The following BRF1 variants were observed in gnomAD, a reference collection of about 807,000 sequenced individuals.
BRF1 encodes transcription factor IIIB 90 kDa subunit.
A neutral mutation model predicts 81.7 loss-of-function variants in BRF1; 59 were observed. That is an observed-to-expected ratio of 0.72 (90% confidence interval 0.59 to 0.90). BRF1 has a LOEUF of 0.90. Among genes scored for constraint, BRF1 ranks in the 40% least tolerant of loss-of-function variants. BRF1 has a pLI of 0.00. For synonymous variants in BRF1, 491 were observed against 395.6 expected, an observed-to-expected ratio of 1.24 and a Z score of -2.86; for missense variants, 1,050 against 936.3, an observed-to-expected ratio of 1.12 and a Z score of -1.58.
intron 3 of BRF1, among the ~76,000 whole-genome samples, chr14:105,267,582 G>C (rs1338335405): frequency 6.6e-6 from 1 of 152,184 alleles, no homozygotes; most frequent in Non-Finnish European, 1.5e-5. Context: ...AAAGTGATGG[G>C]ATTTACAGGC....
At chr14:105,294,154 C>G (rs587639341) in intron 1 of BRF1, among the ~76,000 whole-genome samples, 2 of 152,294 alleles carry the variant, frequency 1.3e-5, no homozygotes, top group South Asian at 4.1e-4. Flanking sequence ...GATCCCCTCT[C>G]TCCTCCCCAC....
chr14:105,298,714 G>C (rs934556835), intron 1 of BRF1, among the ~76,000 whole-genome samples: 2 of 152,174 alleles, frequency 1.3e-5, no homozygotes, highest in Non-Finnish European at 2.9e-5. Flanking sequence ...AATTAGCCAA[G>C]TGAGGTGGCG....
At chr14:105,245,809 T>C (rs2055053746) in intron 5 of BRF1, among the ~76,000 whole-genome samples, 1 of 152,186 alleles carries the variant, frequency 6.6e-6, no homozygotes. Context: ...GACTTGAAAC[T>C]GTAAAACCCT....
chr14:105,280,709 A>C (rs1239223317), intron 2 of BRF1, among the ~76,000 whole-genome samples: 1 of 149,928 alleles, frequency 6.7e-6, no homozygotes, highest in East Asian at 2.0e-4. Flanking sequence ...CGTGATCCTG[A>C]GTCCGGGTGT....
At chr14:105,225,888 C>T (rs587596876) in intron 10 of BRF1, among the ~76,000 whole-genome samples, 181 bp downstream of exon 10, 12 of 152,282 alleles carry the variant, frequency 7.9e-5, no homozygotes, top group South Asian at 4.1e-4. Context: ...CCTCGTGATC[C>T]GCCTGCCTCA....
intron 12 of BRF1, 126 bp downstream of exon 12, chr14:105,219,943 C>CA: frequency 2.0e-6 from 2 of 1,002,706 alleles, no homozygotes; most frequent in Non-Finnish European, 3.0e-6. Flanking sequence ...GCCAGGAGCC[C>CA]ACTTCACCCA....
chr14:105,298,724 G>A (rs914581134), intron 1 of BRF1, among the ~76,000 whole-genome samples: 11 of 152,002 alleles, frequency 7.2e-5, no homozygotes, highest in African/African-American at 2.2e-4. Context: ...GTGAGGTGGC[G>A]CACGCCTGTA....
intron 2 of BRF1, among the ~76,000 whole-genome samples, chr14:105,283,150 G>A (rs1250774435): frequency 3.9e-5 from 6 of 152,196 alleles, no homozygotes; most frequent in Non-Finnish European, 8.8e-5. Flanking sequence ...AGCCAAGGCA[G>A]AGGAGGACAT....
chr14:105,314,782 C>T (rs2058490347), intron 1 of BRF1: 3 of 197,942 alleles, frequency 1.5e-5, no homozygotes, highest in Admixed American at 1.4e-4. Context: ...TGTCCGACGC[C>T]GGGGCCCGGC....
rs966067038 is a variant in BRF1 at position 105,309,915 on chromosome 14, A to G, written c.-162+5407T>C. Among the ~76,000 whole-genome samples the G allele has an allele frequency of 7.3e-5, 11 of 150,258 alleles. No individual in the cohort carries two copies. The highest frequency in any genetic ancestry group is 2.1e-4 in the South Asian group (1 of 4,762). On this transcript the variant is annotated intron_variant, in intron 1 of 17. Coordinates refer to the BRF1 transcript ENST00000327359. The surrounding 1 kb of genome is among the most constrained non-coding windows in gnomAD (Gnocchi z 4.0). ...ATTCTCCTGTCTCAGCCTCCCGACT[A>G]GCTGGGACTACAGGCGCCCGCCACC...
intron 1 of BRF1, among the ~76,000 whole-genome samples, chr14:105,297,797 C>T: frequency 6.6e-6 from 1 of 151,944 alleles, no homozygotes. Flanking sequence ...GAGATCGAAA[C>T]CATCCCGGCT....
chr14:105,248,389 G>A (rs2055273130), intron 5 of BRF1: 1 of 985,406 alleles, frequency 1.0e-6, no homozygotes, highest in Non-Finnish European at 1.2e-6. Flanking sequence ...CCGCCTGCCA[G>A]CGCCGGGAGC....
intron 3 of BRF1, among the ~76,000 whole-genome samples, chr14:105,257,363 C>T (rs980620896): frequency 1.3e-5 from 2 of 152,154 alleles, no homozygotes; most frequent in African/African-American, 4.8e-5. Context: ...AGCAGCAAAG[C>T]CCCACCACGC....
chr14:105,266,064 C>G (rs923266713), intron 3 of BRF1, among the ~76,000 whole-genome samples: 2 of 151,854 alleles, frequency 1.3e-5, no homozygotes, highest in African/African-American at 4.8e-5. Flanking sequence ...CAGTGAGACT[C>G]TGTCTCAAAA....
In BRF1 at chr14:105,248,080, T is replaced by A. The variant is rs2055246694; in HGVS notation, c.544+4427A>T. ...ACCTTCAGCGCGCGACTAACCTCTC[T>A]GTGCCTATTTCCTCGAGGAAAATGC... On this transcript the variant is annotated intron_variant, in intron 5 of 17. Transcript: ENST00000547530. 4 of 985,346 alleles carry A rather than the reference T, an allele frequency of 4.1e-6. No individual in the cohort carries two copies. The South Asian group carries it at 1.4e-4, about 35-fold the overall frequency. 61.0% of individuals were successfully genotyped at this position (985,346 alleles called of 1,614,324 possible). A position where few individuals can be genotyped will look rare whatever the true frequency, so the allele number is the denominator to read the frequency against.
chr14:105,241,284 G>T lies in BRF1; in HGVS notation c.675C>A (p.Pro225=), dbSNP rs761156778. The T allele has an allele frequency of 1.9e-5, 31 of 1,612,116 alleles. No individual in the cohort carries two copies. The Middle Eastern group carries it at 5.1e-4, about 26-fold the overall frequency. ...KRDWMHTGRR[P]SGLCGAALLV... ...CTGTACCTGCTCCGCAGAGGCCCGA[G>T]GGGCGCCGGCCTGTGTGCATCCAGT... Residue 225 remains proline (P), a synonymous_variant, in exon 6 of 18, where the codon CCC becomes CCA. Transcript: ENST00000547530.
In BRF1 at chr14:105,265,054, G is replaced by GTTTTTTTTTTTTTTT. The variant is rs587673120; in HGVS notation, c.439+7666_439+7667insAAAAAAAAAAAAAAA. Among the ~76,000 whole-genome samples, 3 of 130,108 alleles carry GTTTTTTTTTTTTTTT rather than the reference G, an allele frequency of 2.3e-5. 1 individual carries two copies. The allele number at this position is 130,108 out of a possible 152,430, so 85.4% of individuals were successfully genotyped here. ...ATAAGTTCTACTTATCCTTTTTTTTGTTTTTTTTTTGTTTGTTTGTTTTTT... is the reference window on the plus strand; with the variant it reads ...ATAAGTTCTACTTATCCTTTTTTTTGTTTTTTTTTTTTTTTTTTTTTTTTTGTTTGTTTGTTTTTT... On this transcript the variant is annotated intron_variant, in intron 3 of 17. Coordinates refer to ENST00000547530, the MANE Select transcript of BRF1 (RefSeq NM_001519.4).
chr14:105,241,400 T>C lies in BRF1; in HGVS notation c.559A>G (p.Ile187Val), dbSNP rs1312890175. 6.2e-7 allele frequency: 1 copy of C among 1,612,408 alleles called. No individual in the cohort carries two copies. Among genetic ancestry groups the C allele is most frequent in the Non-Finnish European group, 8.5e-7 (1 of 1,179,914 alleles). ...NAPAIDPCLY[I>V]PRFAHLLEFG... The stretch of plus-strand genomic sequence containing the variant: ...TCCAGCAGGTGCGCAAAGCGTGGAA[T>C]ATACAGGCACGGGTCTGCGGCAGAC... Residue 187 changes from isoleucine to valine, a missense_variant, in exon 6 of 18, where the codon ATT becomes GTT. By Grantham distance (29) the Ile-to-Val change is conservative (BLOSUM62 3). This residue lies in a region of BRF1 where 1,043 missense variants were observed against 915.4 expected (regional missense o/e 1.14). Coordinates refer to ENST00000547530, the MANE Select transcript of BRF1 (RefSeq NM_001519.4).
In BRF1 at chr14:105,246,492, C is replaced by A. The variant is rs148113337; in HGVS notation, c.545-5078G>T. Among the ~76,000 whole-genome samples the A allele has an allele frequency of 1.6e-4, 25 of 151,868 alleles. No individual in the cohort carries two copies. In the East Asian group the frequency reaches 3.3e-3, roughly 20 times the overall value. On this transcript the variant is annotated intron_variant, in intron 5 of 17. Coordinates refer to ENST00000547530, the MANE Select transcript of BRF1 (RefSeq NM_001519.4). ...AGGAGTTTAAGACCAGCCTGGTCAA[C>A]GGAGTCTCGCTCTGTCATCCAGGCT...
Sources: allele counts gnomAD v4.1 joint callset (sites outside exome capture counted in the v4.1 genomes callset), GRCh38; gene constraint gnomAD v4.1.1; regional missense constraint gnomAD v4.1.1; non-coding constraint Gnocchi (gnomAD v3.1); transcripts MANE v1.5; gene names NCBI Gene and HGNC (gene_info 2026-07-23, HGNC 2026-07-21).